The following CPEB3 variants were observed in gnomAD, a reference collection of about 807,000 sequenced individuals.
CPEB3 encodes cytoplasmic polyadenylation element binding protein 3, also known as cytoplasmic polyadenylation element-binding protein 3.
In CPEB3, 20 loss-of-function variants were observed where a neutral mutation model predicts 67.2. That is an observed-to-expected ratio of 0.30 (90% CI 0.21 to 0.43). The LOEUF (loss-of-function observed/expected upper bound fraction) is 0.43. CPEB3 is among the 20% of genes least tolerant of loss of function. CPEB3 has a pLI of 1.00. For synonymous variants in CPEB3, 376 were observed against 393.1 expected, an observed-to-expected ratio of 0.96 and a Z score of 0.51; for missense variants, 746 against 968.6, an observed-to-expected ratio of 0.77 and a Z score of 3.05.
At chr10:92,139,010 G>C (rs1017937652) in intron 6 of CPEB3, among the ~76,000 whole-genome samples, 2 of 152,172 alleles carry the variant, frequency 1.3e-5, no homozygotes, top group African/African-American at 2.4e-5. Flanking sequence ...AGGCACGGTG[G>C]CTCACGCCTG....
At chr10:92,160,227 G>A (rs1237413396) in intron 4 of CPEB3, among the ~76,000 whole-genome samples, 1 of 152,112 alleles carries the variant, frequency 6.6e-6, no homozygotes, top group Non-Finnish European at 1.5e-5. Context: ...TTACAGGGGT[G>A]AGCCACCGCG....
intron 1 of CPEB3, among the ~76,000 whole-genome samples, chr10:92,266,652 CAA>C (rs1853070584): frequency 6.6e-6 from 1 of 151,640 alleles, no homozygotes; most frequent in African/African-American, 2.4e-5. Flanking sequence ...CTACTAAAAA[CAA>C]AAATTAAAAA....
intron 9 of CPEB3, among the ~76,000 whole-genome samples, chr10:92,067,976 T>TTTTA: frequency 6.6e-6 from 1 of 152,240 alleles, no homozygotes; most frequent in South Asian, 2.1e-4. Flanking sequence ...ACAGTTGGGA[T>TTTTA]TTTATTTTGT....
rs776477421 is a variant in CPEB3 at position 92,052,292 on chromosome 10, G to A, written c.2017C>T (p.Arg673Ter). The A allele has an allele frequency of 6.2e-7, 1 of 1,614,002 alleles. No individual in the cohort carries two copies. ...CEYCWASIHSRAGREFHKPLV... is the reference protein window; with the variant it reads ...CEYCWASIHS ...GGTTTGTGGAACTCCCGCCCGGCTC[G>A]GGAATGTATGCTCGCCCAGCAGTAT... Residue 673 changes from arginine to a stop codon, truncating the protein, a stop_gained, in exon 10 of 10, where the codon CGA (arginine) becomes TGA (stop). Coordinates refer to ENST00000265997, the MANE Select transcript of CPEB3 (RefSeq NM_014912.5). LOFTEE classifies it high-confidence loss of function.
intron 2 of CPEB3, among the ~76,000 whole-genome samples, chr10:92,216,996 G>A (rs1423039873): frequency 1.3e-5 from 2 of 149,746 alleles, no homozygotes; most frequent in Non-Finnish European, 3.0e-5. Flanking sequence ...TAGAACTAAA[G>A]GCTGTTCCAA....
At chr10:92,281,944 A>C (rs555821281) in intron 1 of CPEB3, among the ~76,000 whole-genome samples, 1 of 152,360 alleles carries the variant, frequency 6.6e-6, no homozygotes, top group South Asian at 2.1e-4. Context: ...AATAGTCTTG[A>C]CTTCACATGT....
chr10:92,106,552 C>T (rs1307924879), intron 7 of CPEB3, among the ~76,000 whole-genome samples: 4 of 151,936 alleles, frequency 2.6e-5, no homozygotes, highest in Admixed American at 2.0e-4. Context: ...CGGTGGCTCA[C>T]GCTTGTAATC....
At chr10:92,172,769 C>G (rs1848064991) in intron 4 of CPEB3, among the ~76,000 whole-genome samples, 1 of 152,106 alleles carries the variant, frequency 6.6e-6, no homozygotes, top group Admixed American at 6.6e-5. Flanking sequence ...AGAAAATAGT[C>G]CTGGGGTAAA....
At chr10:92,237,406 G>A (rs1164252732) in intron 2 of CPEB3, among the ~76,000 whole-genome samples, 1 of 152,174 alleles carries the variant, frequency 6.6e-6, no homozygotes, top group Non-Finnish European at 1.5e-5. Context: ...AGACTATACT[G>A]AATCCAGTCC....
intron 3 of CPEB3, among the ~76,000 whole-genome samples, chr10:92,190,665 C>CAAAAAAAAAAAAAA (rs780757034): frequency 3.8e-5 from 3 of 78,396 alleles, no homozygotes; most frequent in African/African-American, 1.5e-4. Context: ...AACTCCATCT[C>CAAAAAAAAAAAAAA]AAAAAAAAAA....
intron 4 of CPEB3, among the ~76,000 whole-genome samples, chr10:92,149,419 G>A (rs1846852625): frequency 2.0e-5 from 3 of 152,230 alleles, no homozygotes; most frequent in African/African-American, 4.8e-5. Flanking sequence ...CTGTCCAGAT[G>A]AGACATGAGG....
At chr10:92,180,840 C>T (rs1848426660) in intron 4 of CPEB3, 123 bp downstream of exon 4, 6 of 674,450 alleles carry the variant, frequency 8.9e-6, no homozygotes, top group Non-Finnish European at 1.1e-5. Flanking sequence ...ACCACTAGTA[C>T]AGAACAATGG....
At chr10:92,121,370 T>G in intron 6 of CPEB3, among the ~76,000 whole-genome samples, 1 of 145,760 alleles carries the variant, frequency 6.9e-6, no homozygotes, top group East Asian at 2.0e-4. Context: ...TAAAATATAT[T>G]TTATATATAA....
At chr10:92,071,869 T>C (rs1161248679) in intron 9 of CPEB3, among the ~76,000 whole-genome samples, 1 of 152,192 alleles carries the variant, frequency 6.6e-6, no homozygotes, top group Non-Finnish European at 1.5e-5. Context: ...ATGACCTAGA[T>C]TTCCATTACA....
At chr10:92,053,391 G>T (rs1841976568) in intron 9 of CPEB3, among the ~76,000 whole-genome samples, 1 of 151,788 alleles carries the variant, frequency 6.6e-6, no homozygotes, top group Non-Finnish European at 1.5e-5. Flanking sequence ...TTGAGATGGA[G>T]TCTCACTCTG....
chr10:92,145,154 T>C, intron 4 of CPEB3, 69 bp from the exon 5 acceptor site: 1 of 1,575,106 alleles, frequency 6.3e-7, no homozygotes, highest in Non-Finnish European at 8.7e-7. Context: ...AATGATTTTC[T>C]AGGACAATAA....
rs922566662 is a variant in CPEB3, at chr10:92,196,745, C to T, written c.1006-4109G>A. Among the ~76,000 whole-genome samples, 11 of 143,454 alleles carry T rather than the reference C, an allele frequency of 7.7e-5. 1 individual carries two copies. The highest frequency in any genetic ancestry group is 6.0e-4 in the East Asian group (3 of 4,994). 94.1% of individuals were successfully genotyped at this position (143,454 alleles called of 152,430 possible). ...CTCATGGCACTGCACTCAGCCTGGG[C>T]GACAGAGCAAGACTCCGTCTCAAAA... On this transcript the variant is annotated intron_variant, in intron 2 of 9. Transcript: ENST00000265997.
At chr10:92,203,800 G>A (rs1349401651) in intron 2 of CPEB3, among the ~76,000 whole-genome samples, 1 of 151,990 alleles carries the variant, frequency 6.6e-6, no homozygotes, top group South Asian at 2.1e-4. Context: ...GCTCCATTCA[G>A]GAGCCAATGA....
Position 92,240,177 on chromosome 10 carries a change from T to A in CPEB3, c.174A>T (p.Pro58=). 1.3e-6 allele frequency: 2 copies of A among 1,537,890 alleles called. No homozygotes were observed. Residue 58 remains proline, a synonymous_variant, in exon 2 of 10, where the codon CCA becomes CCT. Transcript: ENST00000265997. ...CGTTGGGGGCCGGGGGGGCAGCGGC[T>A]GGGCTGAGGGCCGGCACTGCGCTGT... ...EENSAVPALS[P]AAAPPAPNGP... is the part of the protein sequence containing the mutation.
Sources: gnomAD v4.1 joint callset for allele counts (sites outside exome capture counted in the v4.1 genomes callset) on GRCh38, gnomAD v4.1.1 for gene constraint, MANE v1.5 for transcripts, NCBI Gene and HGNC (gene_info 2026-07-23, HGNC 2026-07-21) for gene names.